The following LINGO2 variants were observed in gnomAD, a reference collection of about 807,000 sequenced individuals.
LINGO2 encodes leucine rich repeat and Ig domain containing 2.
Under a neutral mutation model 30.6 loss-of-function variants are expected in LINGO2, and 14 were observed. That is an observed-to-expected ratio of 0.46 (90% CI 0.30 to 0.72). The LOEUF (loss-of-function observed/expected upper bound fraction) is 0.72, where lower values mean the gene tolerates loss of function less well. Ranked by LOEUF, LINGO2 falls within the 30% of genes least tolerant of loss-of-function variation. The pLI is 0.07. For missense variants in LINGO2, 729 were observed against 751.7 expected (o/e 0.97, Z 0.35); for synonymous variants, 317 against 288.5 (o/e 1.10, Z -1.00).
intron 5 of LINGO2, among the ~76,000 whole-genome samples, chr9:28,006,411 T>G (rs1822270054): frequency 6.6e-6 from 1 of 152,092 alleles, no homozygotes; most frequent in Non-Finnish European, 1.5e-5. Flanking sequence ...ACAAGTGATT[T>G]GGGATTGAAA....
intron 1 of LINGO2, among the ~76,000 whole-genome samples, chr9:28,650,781 TCC>T: frequency 6.6e-6 from 1 of 152,232 alleles, no homozygotes; most frequent in African/African-American, 2.4e-5. Flanking sequence ...ATTTTCATTA[TCC>T]ATAGTGATCA....
chr9:28,389,315 A>T (rs7020218), intron 2 of LINGO2, among the ~76,000 whole-genome samples: 16,625 of 152,188 alleles, frequency 0.11, 962 homozygotes, highest in East Asian at 0.19. Context: ...TAAAGACAAG[A>T]TAATGTCAGA....
chr9:28,263,959 T>C (rs1745406660), intron 4 of LINGO2, among the ~76,000 whole-genome samples: 1 of 151,988 alleles, frequency 6.6e-6, no homozygotes, highest in Admixed American at 6.6e-5. Flanking sequence ...CTTTTATGAT[T>C]ATTATTTGTT....
intron 4 of LINGO2, among the ~76,000 whole-genome samples, chr9:28,204,737 G>T (rs1820354111): frequency 6.6e-6 from 1 of 152,168 alleles, no homozygotes; most frequent in South Asian, 2.1e-4. Context: ...AAAGAAAGGA[G>T]AGACCATTGA....
chr9:28,300,600 G>C (rs1486220192), intron 3 of LINGO2, among the ~76,000 whole-genome samples: 2 of 151,990 alleles, frequency 1.3e-5, no homozygotes, highest in Non-Finnish European at 2.9e-5. Flanking sequence ...CCTTTCCTGA[G>C]TGTTTTATCC....
At chr9:28,594,000 TA>T (rs572589055) in intron 1 of LINGO2, among the ~76,000 whole-genome samples, 2 of 150,520 alleles carry the variant, frequency 1.3e-5, no homozygotes, top group Non-Finnish European at 3.0e-5. Context: ...TTTCACTATT[TA>T]AAAAAAAAGA....
the LINGO2 span, among the ~76,000 whole-genome samples, chr9:28,998,780 T>C: frequency 1.2e-4 from 18 of 152,162 alleles, no homozygotes; most frequent in South Asian, 2.1e-4. Flanking sequence ...AGATGCATCA[T>C]AGCCACCTGC....
intron 3 of LINGO2, among the ~76,000 whole-genome samples, chr9:28,371,280 T>C (rs549263960): frequency 3.9e-4 from 60 of 152,314 alleles, no homozygotes; most frequent in African/African-American, 1.4e-3. Context: ...AACACTAGTG[T>C]TTTAGTTTGT....
At chr9:28,540,417 C>T (rs1265282112) in intron 1 of LINGO2, among the ~76,000 whole-genome samples, 1 of 151,874 alleles carries the variant, frequency 6.6e-6, no homozygotes, top group Non-Finnish European at 1.5e-5. Context: ...GGTGCCACCA[C>T]GTCCGACTAA....
intron 1 of LINGO2, among the ~76,000 whole-genome samples, chr9:28,603,740 G>T (rs564719044): frequency 1.6e-4 from 24 of 152,058 alleles, no homozygotes; most frequent in Middle Eastern, 3.4e-3. Flanking sequence ...AAATATGCTG[G>T]CGATTTTGGA....
intron 5 of LINGO2, among the ~76,000 whole-genome samples, chr9:27,995,422 C>A (rs990467549): frequency 3.3e-5 from 5 of 152,092 alleles, no homozygotes; most frequent in African/African-American, 4.8e-5. Flanking sequence ...CAGACAAAGA[C>A]GAACAATAAA....
rs1262977200 is a variant in LINGO2 at position 28,462,865 on chromosome 9, T to G, written c.-279+13075A>C. 7.2e-5 allele frequency among the ~76,000 whole-genome samples: 11 copies of G among 152,052 alleles called. 1 individual carries two copies. Among genetic ancestry groups the G allele is most frequent in the Admixed American group, 7.2e-4 (11 of 15,268 alleles). ...GAACTATCTATTCTGAACTAAAAAT[T>G]GAAAAAAATTACCCATCATAGGATT... On this transcript the variant is annotated intron_variant, in intron 2 of 5. Coordinates refer to ENST00000379992, the Ensembl canonical transcript of LINGO2.
chr9:28,731,675 T>G, the LINGO2 span, among the ~76,000 whole-genome samples: 1 of 152,096 alleles, frequency 6.6e-6, no homozygotes, highest in East Asian at 1.9e-4. Flanking sequence ...TGATGGCAGA[T>G]ATAGAAACCT....
intron 4 of LINGO2, among the ~76,000 whole-genome samples, chr9:28,096,734 G>T (rs1384780430): frequency 1.3e-5 from 2 of 151,802 alleles, no homozygotes; most frequent in Admixed American, 6.6e-5. Flanking sequence ...AATTGTACTT[G>T]TTGACCATTC....
upstream of LINGO2, among the ~76,000 whole-genome samples, chr9:28,673,617 AG>A (rs1386100119): frequency 6.6e-6 from 1 of 152,022 alleles, no homozygotes; most frequent in African/African-American, 2.4e-5. Context: ...CAGTGAGCCA[AG>A]ATCACGCCAC....
chr9:28,044,741 G>C (rs1198009), intron 4 of LINGO2, among the ~76,000 whole-genome samples: 1 of 150,890 alleles, frequency 6.6e-6, no homozygotes, highest in African/African-American at 2.4e-5. Flanking sequence ...TGGAAGGGAA[G>C]AGAGTTAGGG....
At chr9:29,087,391 T>C in the LINGO2 span, among the ~76,000 whole-genome samples, 2,629 of 152,278 alleles carry the variant, frequency 0.017, 82 homozygotes, top group African/African-American at 0.061. Context: ...TGGAAGCTAT[T>C]GATGCTGATA....
At chr9:28,493,744 G>C (rs1224694901) in intron 1 of LINGO2, among the ~76,000 whole-genome samples, 1 of 152,176 alleles carries the variant, frequency 6.6e-6, no homozygotes, top group African/African-American at 2.4e-5. Context: ...ACTGGGAAAA[G>C]CAGACCCACA....
rs541313488 is a variant in LINGO2 at position 28,467,405 on chromosome 9, A to G, written c.-279+8535T>C. On this transcript the variant is annotated intron_variant, in intron 2 of 5. Transcript: ENST00000379992. ...TAGCAAACAACATAGTGAAAACAAT[A>G]TTGACATGAGAAACGTATAGATTCT... Among the ~76,000 whole-genome samples the G allele has an allele frequency of 1.7e-4, 26 of 152,282 alleles. 1 individual carries two copies. The South Asian group carries it at 5.4e-3, about 32-fold the overall frequency.
Sources: gnomAD v4.1 joint callset for allele counts (sites outside exome capture counted in the v4.1 genomes callset) on GRCh38, gnomAD v4.1.1 for gene constraint, MANE v1.5 for transcripts, NCBI Gene and HGNC (gene_info 2026-07-23, HGNC 2026-07-21) for gene names.